TTN: variants seen among roughly 807,000 people sequenced by gnomAD.
The protein encoded by TTN is connectin.
A neutral mutation model predicts 3,223.0 loss-of-function variants in TTN; 1,525 were observed. The observed-to-expected ratio is 0.47, with a 90% CI of 0.45 to 0.49. The LOEUF (loss-of-function observed/expected upper bound fraction) is 0.49. Ranked by LOEUF, TTN falls within the 20% of genes least tolerant of loss-of-function variation. The probability of loss-of-function intolerance (pLI) is 0.00; values close to 1 mark genes in which losing one functional copy is unlikely to be tolerated. For synonymous variants in TTN, 14,094 were observed against 15,161.0 expected, an observed-to-expected ratio of 0.93 and a Z score of 5.17; for missense variants, 40,786 against 43,424.0, an observed-to-expected ratio of 0.94 and a Z score of 5.40.
At chr2:178,692,973 G>A (rs570844429) in intron 119 of TTN, among the ~76,000 whole-genome samples, 45 of 152,000 alleles carry the variant, frequency 3.0e-4, no homozygotes, top group African/African-American at 9.2e-4. Context: ...AACAATTTGG[G>A]TGGGATGGAG....
Position 178,605,666 on chromosome 2 carries a change from A to C in TTN, c.53629T>G (p.Ser17877Ala), listed in dbSNP as rs776123623. The change falls in exon 279 of 363, where the codon TCC (serine) becomes GCC (alanine). Residue 17877 changes from serine to alanine, a missense_variant. Coordinates refer to ENST00000589042, the MANE Select transcript of TTN (RefSeq NM_001267550.2). ...TCTTTCCAGTCAAGTGTGATAGTGG[A>C]CTTTGTCCTTTCAGTGTATGTGAGC... ...ERLTYTERTK[S>A]TITLDWKEPR... The C allele has an allele frequency of 1.2e-6, 2 of 1,605,440 alleles. No homozygotes were observed. Among genetic ancestry groups the C allele is most frequent in the Non-Finnish European group, 1.7e-6 (2 of 1,174,440 alleles).
At position 178,784,052 on chromosome 2, in the gene TTN, G is replaced by A. The variant is rs372384261; in HGVS notation, c.2775+18C>T. ...CAATGGGAGTGGACCATGTAACAGC[G>A]GGTAACCAGTGACCAACCTTGGCTT... On this transcript the variant is annotated intron_variant, in intron 16 of 362. Coordinates refer to ENST00000589042, the MANE Select transcript of TTN (RefSeq NM_001267550.2). The A allele has an allele frequency of 7.0e-5, 113 of 1,611,940 alleles. No individual in the cohort carries two copies. The highest frequency in any genetic ancestry group is 8.9e-5 in the Non-Finnish European group (105 of 1,179,852).
rs754782943 is a variant in TTN at position 178,732,344 on chromosome 2, G to C, written c.16625C>G (p.Pro5542Arg). 4 of 1,594,276 alleles carry C rather than the reference G, an allele frequency of 2.5e-6. No individual in the cohort carries two copies. Among genetic ancestry groups the C allele is most frequent in the Non-Finnish European group, 3.4e-6 (4 of 1,169,790 alleles). ...CTCTAACTTTTCAACAAATGTGGCA[G>C]GTTCTGTGGAAGGAAGGAAGTTATT... The part of the protein sequence containing the change: ...ECSANLFVKE[P>R]ATFVEKLEPS... Residue 5542 changes from proline to arginine, a missense_variant, in exon 57 of 363, where the codon CCT becomes CGT. Coordinates refer to ENST00000589042, the MANE Select transcript of TTN (RefSeq NM_001267550.2).
chr2:178,621,310 C>A lies in TTN; in HGVS notation c.45408G>T (p.Lys15136Asn), dbSNP rs72677225. The change falls in exon 246 of 363, where the codon AAG becomes AAT. Residue 15136 changes from lysine (K) to asparagine (N), a missense_variant. Lys to Asn is a moderately conservative substitution (Grantham distance 94). Transcript: ENST00000589042. ...PQNLEILEGE[K>N]AEFVCSISKE... ...TTGATATAGAGCAGACAAATTCAGC[C>A]TTTTCTCCTTCAAGTATTTCAAGGT... The A allele has an allele frequency of 6.7e-3, 10,734 of 1,611,922 alleles. 44 individuals carry two copies. The highest frequency in any genetic ancestry group is 8.0e-3 in the Non-Finnish European group (9,471 of 1,178,988).
chr2:178,621,308 G>T lies in TTN; in HGVS notation c.45410C>A (p.Ala15137Asp), dbSNP rs1305459337. The change falls in exon 246 of 363, where the codon GCT becomes GAT. Residue 15137 changes from alanine (A) to aspartate (D), a missense_variant. Physicochemically the swap from Ala to Asp is moderately radical, Grantham distance 126 (BLOSUM62 -2). Transcript: ENST00000589042. ...TTTTGATATAGAGCAGACAAATTCA[G>T]CCTTTTCTCCTTCAAGTATTTCAAG... ...QNLEILEGEK[A>D]EFVCSISKES... 1 of 1,611,942 alleles carries T rather than the reference G, an allele frequency of 6.2e-7. No homozygotes were observed. The highest frequency in any genetic ancestry group is 1.1e-5 in the South Asian group (1 of 90,948).
In TTN at chr2:178,684,991, T is replaced by C. The variant is rs2070461310; in HGVS notation, c.32471-2A>G. ...CAATTTTCTTAGGTGCTTCAGGAACTTTAGAAAGATTAGGTTTAAGAATAT... is the reference window on the plus strand; with the variant it reads ...CAATTTTCTTAGGTGCTTCAGGAACCTTAGAAAGATTAGGTTTAAGAATAT... On this transcript the variant is annotated splice_acceptor_variant, in intron 129 of 362. Coordinates refer to ENST00000589042, the MANE Select transcript of TTN (RefSeq NM_001267550.2). LOFTEE classifies it high-confidence loss of function. 2 of 1,593,758 alleles carry C rather than the reference T, an allele frequency of 1.3e-6. No individual in the cohort carries two copies. Among genetic ancestry groups the C allele is most frequent in the Non-Finnish European group, 1.7e-6 (2 of 1,167,330 alleles).
At position 178,532,756 on chromosome 2, in the gene TTN, C is replaced by T. The variant is rs367927066; in HGVS notation, c.103859G>A (p.Arg34620His). Residue 34620 changes from arginine to histidine, a missense_variant, in exon 358 of 363, where the codon CGT becomes CAT. By Grantham distance (29) the Arg-to-His change is conservative. Transcript: ENST00000589042. ...ATCATCTTGGGACAGTTTAGGAATA[C>T]GCCATTTAGGTCTGTATTGATCTGT... Reference protein sequence around the residue: ...RITDQYRPKWRIPKLSQDDLE... With the variant: ...RITDQYRPKWHIPKLSQDDLE... 4.1e-5 allele frequency: 66 copies of T among 1,613,980 alleles called. 2 individuals are homozygous for T. The highest frequency in any genetic ancestry group is 3.0e-4 in the South Asian group (27 of 91,082).
Position 178,764,790 on chromosome 2 carries a change from A to T in TTN, c.9725T>A (p.Leu3242Gln), listed in dbSNP as rs2090060609. 6.2e-7 allele frequency: 1 copy of T among 1,613,400 alleles called. No individual in the cohort carries two copies. Among genetic ancestry groups the T allele is most frequent in the Non-Finnish European group, 8.5e-7 (1 of 1,179,888 alleles). Residue 3242 changes from leucine to glutamine, a missense_variant, in exon 42 of 363, where the codon CTG becomes CAG. Transcript: ENST00000589042. ...CACAGTGACAGGCTGGAGCTCCTGC[A>T]GAACTTGGGGCGGTTCAGGAGCTAG... ...YVNAPEPPQV[L>Q]QELQPVTVQS...
Position 178,591,262 on chromosome 2 carries a change from T to G in TTN, c.60463A>C (p.Asn20155His), listed in dbSNP as rs1321298157. ...DTGEYQITVS[N>H]AAGSKTVAVH... ...GCTACTGTTTTGCTACCGGCTGCATTGGAAACTGTGATTTGATATTCCCCA... is the reference window on the plus strand; with the variant it reads ...GCTACTGTTTTGCTACCGGCTGCATGGGAAACTGTGATTTGATATTCCCCA... The change falls in exon 304 of 363, where the codon AAT (asparagine) becomes CAT (histidine). Residue 20155 changes from asparagine to histidine, a missense_variant. Physicochemically the swap from Asn to His is moderately conservative, Grantham distance 68 (BLOSUM62 1). Transcript: ENST00000589042. 1 of 1,613,194 alleles carries G rather than the reference T, an allele frequency of 6.2e-7. No homozygotes were observed. Among genetic ancestry groups the G allele is most frequent in the Admixed American group, 1.7e-5 (1 of 59,958 alleles).
At chr2:178,745,701 C>T in intron 47 of TTN, 1 of 1,611,700 alleles carries the variant, frequency 6.2e-7, no homozygotes, top group Non-Finnish European at 8.5e-7. Context: ...TTATGGAACC[C>T]TGTGCCACTT....
At chr2:178,703,924 G>C (rs910831108) in intron 106 of TTN, among the ~76,000 whole-genome samples, 4 of 152,182 alleles carry the variant, frequency 2.6e-5, no homozygotes, top group African/African-American at 9.7e-5. Context: ...TCTTAGACTA[G>C]ATTAAAATCT....
At chr2:178,679,445 C>T in intron 141 of TTN, 29 bp from the exon 142 acceptor site, 2 of 1,608,196 alleles carry the variant, frequency 1.2e-6, no homozygotes, top group Non-Finnish European at 1.7e-6. Context: ...TTGTTAAGTT[C>T]TAACTACTAG....
Position 178,582,631 on chromosome 2 carries a change from G to T in TTN, c.65864-39C>A, listed in dbSNP as rs753021567. On this transcript the variant is annotated intron_variant, in intron 313 of 362. Transcript: ENST00000589042. ...GAAGAAGAGTGAATATGTGGAATGGGGAATGAGTATAGAGTAGAGGTCTGG... is the reference window on the plus strand; with the variant it reads ...GAAGAAGAGTGAATATGTGGAATGGTGAATGAGTATAGAGTAGAGGTCTGG... The T allele has an allele frequency of 3.2e-6, 5 of 1,563,028 alleles. No homozygotes were observed. In the South Asian group the frequency reaches 6.1e-5, roughly 19 times the overall value.
chr2:178,633,294 C>T lies in TTN; in HGVS notation c.42979G>A (p.Gly14327Arg), dbSNP rs375403946. The change falls in exon 233 of 363, where the codon GGA becomes AGA. Residue 14327 changes from glycine (G) to arginine (R), a missense_variant. Physicochemically the swap from Gly to Arg is moderately radical, Grantham distance 125. Coordinates refer to ENST00000589042, the MANE Select transcript of TTN (RefSeq NM_001267550.2). ...GTTTCACCAACAAACACCTCTACTC[C>T]GTACAGAGGCTTTTCCACTTTTATT... ...RLIKVEKPLY[G>R]VEVFVGETAH... 3.5e-5 allele frequency: 57 copies of T among 1,613,108 alleles called. No individual in the cohort carries two copies. The highest frequency in any genetic ancestry group is 2.0e-4 in the East Asian group (9 of 44,794).
At chr2:178,758,181 G>A (rs1417692355) in intron 44 of TTN, among the ~76,000 whole-genome samples, 2 of 151,926 alleles carry the variant, frequency 1.3e-5, no homozygotes, top group Admixed American at 6.6e-5. Context: ...ACAGGGTTTT[G>A]GATATTCTTT....
rs1577676588 is a variant in TTN, at chr2:178,702,529, T to C, written c.30358A>G (p.Ser10120Gly). Reference sequence around the variant, plus strand: ...TCATTCCTGAAGTTGTATTTCTGGCTCTCTGTCAGTTCTGTTGGTCCTTTG... The same window carrying C: ...TCATTCCTGAAGTTGTATTTCTGGCCCTCTGTCAGTTCTGTTGGTCCTTTG... ...WYKGPTELTE[S>G]QKYNFRNDGR... Residue 10120 changes from serine to glycine, a missense_variant, in exon 107 of 363, where the codon AGC (serine) becomes GGC (glycine). Physicochemically the swap from Ser to Gly is moderately conservative, Grantham distance 56. Coordinates refer to ENST00000589042, the MANE Select transcript of TTN (RefSeq NM_001267550.2). The C allele has an allele frequency of 6.2e-7, 1 of 1,613,990 alleles. No individual in the cohort carries two copies. The highest frequency in any genetic ancestry group is 1.3e-5 in the African/African-American group (1 of 75,046).
intron 134 of TTN, 103 bp from the exon 135 acceptor site, chr2:178,683,006 T>C: frequency 8.4e-7 from 1 of 1,193,558 alleles, no homozygotes; most frequent in African/African-American, 1.6e-5. Context: ...GTTTGTTTCA[T>C]GCACTGATTA....
intron 356 of TTN, 68 bp downstream of exon 356, chr2:178,536,870 G>T: frequency 7.2e-7 from 1 of 1,397,502 alleles, no homozygotes; most frequent in Non-Finnish European, 9.5e-7. Context: ...ATTTCTTTCT[G>T]TTTAAAAGAA....
chr2:178,675,198 A>G (rs2067788796), intron 149 of TTN, 85 bp from the exon 150 acceptor site: 1 of 822,390 alleles, frequency 1.2e-6, no homozygotes, highest in African/African-American at 1.8e-5. Flanking sequence ...CCAACATAAG[A>G]GAGTAAATAT....
Sources: gnomAD v4.1 joint callset for allele counts (sites outside exome capture counted in the v4.1 genomes callset) on GRCh38, gnomAD v4.1.1 for gene constraint, MANE v1.5 for transcripts, NCBI Gene and HGNC (gene_info 2026-07-23, HGNC 2026-07-21) for gene names.